RPTOR: variants seen among roughly 807,000 people sequenced by gnomAD.
The protein encoded by RPTOR is regulatory associated protein of MTOR complex 1, also known as regulatory-associated protein of mTOR.
RPTOR carries 21 observed loss-of-function variants against 169.9 expected under a neutral mutation model. That is an observed-to-expected ratio of 0.12 (90% CI 0.09 to 0.18). The LOEUF is 0.18. Among genes scored for constraint, RPTOR ranks in the 10% least tolerant of loss-of-function variants. The pLI, the probability that RPTOR is intolerant of heterozygous loss-of-function variation, is 1.00. For missense variants in RPTOR, 1,133 were observed against 1,855.9 expected (o/e 0.61, Z 7.16); for synonymous variants, 732 against 753.2 (o/e 0.97, Z 0.46).
At chr17:80,684,765 G>C (rs761052154) in intron 3 of RPTOR, among the ~76,000 whole-genome samples, 3 of 152,038 alleles carry the variant, frequency 2.0e-5, no homozygotes, top group Non-Finnish European at 4.4e-5. Flanking sequence ...CTTATATCCT[G>C]CTCTTACATG....
chr17:80,779,816 C>T (rs969515303), intron 6 of RPTOR, among the ~76,000 whole-genome samples: 1 of 152,188 alleles, frequency 6.6e-6, no homozygotes, highest in African/African-American at 2.4e-5. Flanking sequence ...TGTTGAACAA[C>T]GCAGTGTGCA....
At chr17:80,545,907 A>G in intron 1 of RPTOR, 116 bp downstream of exon 1, 1 of 892,732 alleles carries the variant, frequency 1.1e-6, no homozygotes, top group East Asian at 2.8e-5. Context: ...CACACGTTGT[A>G]AGTCAACTAG....
At chr17:80,568,879 A>G (rs983498476) in intron 1 of RPTOR, among the ~76,000 whole-genome samples, 3 of 152,080 alleles carry the variant, frequency 2.0e-5, no homozygotes, top group African/African-American at 7.2e-5. Flanking sequence ...GGATCTCACT[A>G]TGTTGCCCAG....
rs1295519218 is a variant in RPTOR at position 80,908,911 on chromosome 17, C to G, written c.2502C>G (p.Leu834=). The stretch of plus-strand genomic sequence containing the variant: ...TCTCGGACGTGGCCATGAAAGTACT[C>G]AACAGCATCGCCTACAAGGTACGTG... ...PEVSDVAMKV[L]NSIAYKATVN... Residue 834 remains leucine (L), a synonymous_variant, in exon 21 of 34, where the codon CTC becomes CTG. Coordinates refer to ENST00000306801, the MANE Select transcript of RPTOR (RefSeq NM_020761.3). 1 of 1,613,586 alleles carries G rather than the reference C, an allele frequency of 6.2e-7. No homozygotes were observed. Among genetic ancestry groups the G allele is most frequent in the Non-Finnish European group, 8.5e-7 (1 of 1,179,528 alleles).
intron 9 of RPTOR, among the ~76,000 whole-genome samples, chr17:80,832,399 A>C (rs1236023654): frequency 6.6e-6 from 1 of 152,138 alleles, no homozygotes; most frequent in Admixed American, 6.5e-5. Context: ...TGGGGGACAG[A>C]CTTGGAGCTC....
chr17:80,842,831 G>A (rs879789289), intron 10 of RPTOR, among the ~76,000 whole-genome samples: 12 of 152,146 alleles, frequency 7.9e-5, no homozygotes, highest in Non-Finnish European at 1.3e-4. Context: ...CACGTCCCCC[G>A]TGAATGCTCG....
rs1005858681 is a variant in RPTOR, at chr17:80,959,230, G to A, written c.3478-848G>A. Among the ~76,000 whole-genome samples the A allele has an allele frequency of 6.6e-6, 1 of 152,352 alleles. No individual in the cohort carries two copies. Among genetic ancestry groups the A allele is most frequent in the East Asian group, 1.9e-4 (1 of 5,188 alleles). On this transcript the variant is annotated intron_variant, in intron 29 of 33. Transcript: ENST00000306801. The surrounding 1 kb of genome is among the most constrained non-coding windows in gnomAD (Gnocchi z 6.7). The stretch of plus-strand genomic sequence containing the variant: ...ATGGCACCTTCTTTGGGGTGGGGGG[G>A]TCTTGCACCTGTCTGGAGCTGTGGC...
intron 6 of RPTOR, among the ~76,000 whole-genome samples, chr17:80,772,092 A>G (rs1002374515): frequency 3.9e-5 from 6 of 152,164 alleles, no homozygotes; most frequent in South Asian, 2.1e-4. Context: ...AAGTGCTGGG[A>G]TTACAGGCCT....
rs570695430 is a variant in RPTOR, at chr17:80,963,748, C to G, written c.3940-514C>G. Among the ~76,000 whole-genome samples the G allele has an allele frequency of 8.2e-3, 407 of 49,340 alleles. 12 individuals are homozygous for G. The highest frequency in any genetic ancestry group is 0.017 in the African/African-American group (138 of 8,292). The allele number at this position is 49,340 out of a possible 152,430, so 32.4% of individuals were successfully genotyped here. On this transcript the variant is annotated intron_variant, in intron 33 of 33. Transcript: ENST00000306801. The stretch of plus-strand genomic sequence containing the variant: ...CTCTGCGGCCCTCACCCCGTCCCCT[C>G]TGCGGCCCTCACCCCGTCCCCTCTG...
chr17:80,846,650 T>A (rs1220324931), intron 11 of RPTOR, 76 bp downstream of exon 11: 2 of 1,238,998 alleles, frequency 1.6e-6, no homozygotes, highest in African/African-American at 1.5e-5. Flanking sequence ...GCCCCGGGAG[T>A]GCCTTCTCTC....
At chr17:80,877,231 A>C (rs1004866075) in intron 13 of RPTOR, among the ~76,000 whole-genome samples, 6 of 152,092 alleles carry the variant, frequency 3.9e-5, no homozygotes, top group Non-Finnish European at 7.4e-5. Context: ...GAGAGAGTCC[A>C]CCCCAGTCCC....
chr17:80,897,181 G>A (rs542558423), intron 20 of RPTOR, among the ~76,000 whole-genome samples: 2 of 151,986 alleles, frequency 1.3e-5, no homozygotes, highest in South Asian at 2.1e-4. Context: ...CCGGGGAGGC[G>A]GAGGTTGCAG....
At chr17:80,619,760 T>C (rs914101338) in intron 1 of RPTOR, among the ~76,000 whole-genome samples, 1 of 152,212 alleles carries the variant, frequency 6.6e-6, no homozygotes, top group Non-Finnish European at 1.5e-5. Flanking sequence ...TTAACCCTCC[T>C]GGGTGTGTTA....
chr17:80,920,071 GCTCT>G (rs905013274), intron 21 of RPTOR, among the ~76,000 whole-genome samples: 8 of 152,208 alleles, frequency 5.3e-5, no homozygotes, highest in Non-Finnish European at 8.8e-5. Flanking sequence ...CTGGTGCTGC[GCTCT>G]CTAAGATGGT....
chr17:80,748,463 G>A (rs1487794815), intron 5 of RPTOR, among the ~76,000 whole-genome samples: 1 of 69,258 alleles, frequency 1.4e-5, no homozygotes, highest in African/African-American at 8.5e-5. Flanking sequence ...GGGGGGCTGC[G>A]GTGTGTGTTT....
chr17:80,853,609 T>C (rs1244142180), intron 11 of RPTOR, among the ~76,000 whole-genome samples: 4 of 152,096 alleles, frequency 2.6e-5, no homozygotes, highest in Non-Finnish European at 5.9e-5. Context: ...ATGCTGTAGG[T>C]TGGAGGGAGT....
intron 23 of RPTOR, among the ~76,000 whole-genome samples, chr17:80,924,642 G>A (rs893634438): frequency 3.3e-5 from 5 of 151,958 alleles, no homozygotes; most frequent in Non-Finnish European, 5.9e-5. Flanking sequence ...CTACCGGCAC[G>A]TGCAGCTCAC....
chr17:80,619,020 T>A (rs1055620223), intron 1 of RPTOR, among the ~76,000 whole-genome samples: 2 of 152,196 alleles, frequency 1.3e-5, no homozygotes, highest in African/African-American at 4.8e-5. Flanking sequence ...TGCTATGTGT[T>A]CTAGTTTCTG....
intron 1 of RPTOR, among the ~76,000 whole-genome samples, chr17:80,618,236 C>T (rs2065327687): frequency 6.6e-6 from 1 of 152,208 alleles, no homozygotes; most frequent in South Asian, 2.1e-4. Flanking sequence ...ATCCGCCAGG[C>T]TTGGCCTCCC....
Sources: gnomAD v4.1 joint callset for allele counts (sites outside exome capture counted in the v4.1 genomes callset) on GRCh38, gnomAD v4.1.1 for gene constraint, Gnocchi (gnomAD v3.1) non-coding constraint, MANE v1.5 for transcripts, NCBI Gene and HGNC (gene_info 2026-07-23, HGNC 2026-07-21) for gene names.